PCDHGB1: variants seen among roughly 807,000 people sequenced by gnomAD.
The protein encoded by PCDHGB1 is protocadherin gamma-B1.
A neutral mutation model predicts 56.6 loss-of-function variants in PCDHGB1; 34 were observed. The observed-to-expected ratio is 0.60, with a 90% CI of 0.46 to 0.80. PCDHGB1 has a LOEUF of 0.80. PCDHGB1 is among the 30% of genes least tolerant of loss of function. The pLI is 0.00. For missense variants in PCDHGB1, 1,278 were observed against 1,204.6 expected, an observed-to-expected ratio of 1.06 and a Z score of -0.90; for synonymous variants, 561 against 505.9, an observed-to-expected ratio of 1.11 and a Z score of -1.46.
chr5:141,401,765 G>C (rs2094191872), intron 1 of PCDHGB1, among the ~76,000 whole-genome samples: 1 of 152,138 alleles, frequency 6.6e-6, no homozygotes. Context: ...CATGGTATAA[G>C]TCTTTTGCTT....
intron 1 of PCDHGB1, among the ~76,000 whole-genome samples, chr5:141,426,066 A>T (rs1488003387): frequency 6.6e-6 from 1 of 152,196 alleles, no homozygotes; most frequent in Admixed American, 6.5e-5. Context: ...CAAGAACTGG[A>T]GCCTGGGATC....
At chr5:141,419,904 C>G (rs2096446397) in intron 1 of PCDHGB1, 2 of 1,614,108 alleles carry the variant, frequency 1.2e-6, no homozygotes, top group Non-Finnish European at 1.7e-6. Flanking sequence ...CCCACACCCT[C>G]TGACTCCCAG....
At chr5:141,374,562 C>T in intron 1 of PCDHGB1, 2 of 1,613,702 alleles carry the variant, frequency 1.2e-6, no homozygotes, top group Non-Finnish European at 1.7e-6. Flanking sequence ...GTCTATGACC[C>T]TGATGTGGGA....
rs1163950013 is a variant in PCDHGB1 at position 141,512,955 on chromosome 5, A to G, written c.*1782A>G. 2 of 152,234 alleles carry G rather than the reference A, an allele frequency of 1.3e-5. No homozygotes were observed. The highest frequency in any genetic ancestry group is 2.9e-5 in the Non-Finnish European group (2 of 68,046). The allele number at this position is 152,234 out of a possible 1,614,324, so 9.4% of individuals were successfully genotyped here. ...GCTTTTTTTCTTCGACAAAAAAATA[A>G]TAAAACGTTTCTTCTGAAAAGCTGA... On this transcript the variant is annotated 3_prime_UTR_variant, in exon 4 of 4. Coordinates refer to ENST00000523390, the MANE Select transcript of PCDHGB1 (RefSeq NM_018922.3).
In PCDHGB1 at chr5:141,351,432, A is replaced by T; in HGVS notation, c.1172A>T (p.Glu391Val). The T allele has an allele frequency of 6.2e-7, 1 of 1,612,218 alleles. No homozygotes were observed. The highest frequency in any genetic ancestry group is 8.5e-7 in the Non-Finnish European group (1 of 1,178,946). The stretch of plus-strand genomic sequence containing the variant: ...CAGGAAGAAGTTCCTTTCAAATTAG[A>T]ATCCACCTCGAAGAATTATTACAAG... ...YTQEEVPFKL[E>V]STSKNYYKLV... is the part of the protein sequence containing the mutation. The change falls in exon 1 of 4, where the codon GAA becomes GTA. Residue 391 changes from glutamate (E) to valine (V), a missense_variant. Glu to Val is a moderately radical substitution (Grantham distance 121, BLOSUM62 -2). Transcript: ENST00000523390.
intron 1 of PCDHGB1, chr5:141,361,370 G>T: frequency 2.5e-6 from 4 of 1,613,942 alleles, no homozygotes; most frequent in Non-Finnish European, 3.4e-6. Flanking sequence ...GCTCTGGACC[G>T]GGAGGAGATC....
chr5:141,352,039 C>T lies in PCDHGB1; in HGVS notation c.1779C>T (p.Asp593=), dbSNP rs1320731784. 1 of 1,608,678 alleles carries T rather than the reference C, an allele frequency of 6.2e-7. No individual in the cohort carries two copies. Among genetic ancestry groups the T allele is most frequent in the South Asian group, 1.1e-5 (1 of 90,942 alleles). Residue 593 remains aspartate (D), a synonymous_variant, in exon 1 of 4, where the codon GAC becomes GAT. Coordinates refer to ENST00000523390, the MANE Select transcript of PCDHGB1 (RefSeq NM_018922.3). ...CCAAGGTGGTGGCGGTGGACGCAGA[C>T]TCAGGACACAACGCTTGGCTGTCCT... The part of the protein sequence containing the change: ...LVTKVVAVDA[D]SGHNAWLSYH...
At chr5:141,352,737 C>G (rs1759099142) in intron 1 of PCDHGB1, 68 bp downstream of exon 1, 1 of 1,490,416 alleles carries the variant, frequency 6.7e-7, no homozygotes. Flanking sequence ...AGCCTGTAAT[C>G]CCAGCACTTA....
Position 141,418,737 on chromosome 5 carries a change from C to T in PCDHGB1, c.2409+66068C>T, listed in dbSNP as rs768683069. 7.4e-6 allele frequency: 12 copies of T among 1,613,960 alleles called. No homozygotes were observed. The South Asian group carries it at 1.3e-4, about 18-fold the overall frequency. ...GCTGACAAAGCTCAGCACGTGTTCT[C>T]TCTGGATTACACTACAGGAAACATT... On this transcript the variant is annotated intron_variant, in intron 1 of 3. Coordinates refer to ENST00000523390, the MANE Select transcript of PCDHGB1 (RefSeq NM_018922.3).
In PCDHGB1 at chr5:141,487,938, G is replaced by A; in HGVS notation, c.2410-6869G>A. ...GAGGCTACAGTGCACAGGGTACAGT[G>A]CACCAGGCAGTCACTTGGACAAAGG... is the stretch of plus-strand genomic sequence containing the variant. On this transcript the variant is annotated intron_variant, in intron 1 of 3. Coordinates refer to ENST00000523390, the MANE Select transcript of PCDHGB1 (RefSeq NM_018922.3). This position sits in a 1 kb window ranked among gnomAD's most constrained non-coding sequence, Gnocchi z 5.0. 1.7e-6 allele frequency: 1 copy of A among 600,308 alleles called. No homozygotes were observed. The highest frequency in any genetic ancestry group is 2.9e-6 in the Non-Finnish European group (1 of 342,970). 37.2% of individuals were successfully genotyped at this position (600,308 alleles called of 1,614,324 possible).
At chr5:141,507,798 GCCCT>G (rs2099863561) in intron 3 of PCDHGB1, among the ~76,000 whole-genome samples, 1 of 152,188 alleles carries the variant, frequency 6.6e-6, no homozygotes, top group Admixed American at 6.5e-5. Context: ...CTAAGCCTGC[GCCCT>G]GGGGAACGGA....
At chr5:141,391,890 G>A (rs2092437971) in intron 1 of PCDHGB1, 1 of 152,182 alleles carries the variant, frequency 6.6e-6, no homozygotes, top group Non-Finnish European at 1.5e-5. Context: ...AAAGGGATGG[G>A]ATGGAGCTTT....
At chr5:141,399,311 A>C in intron 1 of PCDHGB1, 1 of 1,613,970 alleles carries the variant, frequency 6.2e-7, no homozygotes, top group Non-Finnish European at 8.5e-7. Context: ...TCTTCATCCA[A>C]AAATTCGTAT....
intron 1 of PCDHGB1, chr5:141,478,878 T>A: frequency 8.0e-7 from 1 of 1,250,194 alleles, no homozygotes; most frequent in Non-Finnish European, 1.1e-6. Flanking sequence ...GAGTTTAGCT[T>A]GGTATCATTT....
intron 1 of PCDHGB1, chr5:141,361,516 G>T (rs750174731): frequency 2.5e-6 from 4 of 1,613,942 alleles, no homozygotes; most frequent in Non-Finnish European, 3.4e-6. Context: ...CATGGTTCAC[G>T]TGGCAGAGAA....
intron 1 of PCDHGB1, chr5:141,416,673 C>A (rs1259750007): frequency 6.6e-6 from 1 of 151,958 alleles, no homozygotes; most frequent in Non-Finnish European, 1.5e-5. Flanking sequence ...ATATATGCAA[C>A]GAAGGGAAAT....
Position 141,354,128 on chromosome 5 carries a change from T to C in PCDHGB1, c.2409+1459T>C, listed in dbSNP as rs576789277. Among the ~76,000 whole-genome samples the C allele has an allele frequency of 6.2e-4, 95 of 152,250 alleles. 1 individual carries two copies. The highest frequency in any genetic ancestry group is 1.2e-3 in the Non-Finnish European group (85 of 68,032). ...TGAGAGCTAAAGTAAAGTTAGAAAT[T>C]GTAAAATAATACTGAATGTGTCATG... On this transcript the variant is annotated intron_variant, in intron 1 of 3. Coordinates refer to ENST00000523390, the MANE Select transcript of PCDHGB1 (RefSeq NM_018922.3).
intron 1 of PCDHGB1, chr5:141,421,895 G>T: frequency 2.5e-6 from 4 of 1,613,730 alleles, no homozygotes; most frequent in Non-Finnish European, 3.4e-6. Context: ...GATCCCATCC[G>T]AAAGGGCGCA....
At position 141,493,202 on chromosome 5, in the gene PCDHGB1, A is replaced by G. The variant is rs1246390819; in HGVS notation, c.2410-1605A>G. Among the ~76,000 whole-genome samples, 1 of 152,196 alleles carries G rather than the reference A, an allele frequency of 6.6e-6. No individual in the cohort carries two copies. ...ACTATATAACTCCTTTGAGAACCTC[A>G]TCTCATTTGCTCTTCCCACCATTGC... On this transcript the variant is annotated intron_variant, in intron 1 of 3. Transcript: ENST00000523390. The surrounding 1 kb of genome is among the most constrained non-coding windows in gnomAD (Gnocchi z 4.3).
Sources: gnomAD v4.1 joint callset for allele counts (sites outside exome capture counted in the v4.1 genomes callset) on GRCh38, gnomAD v4.1.1 for gene constraint, Gnocchi (gnomAD v3.1) non-coding constraint, MANE v1.5 for transcripts, NCBI Gene and HGNC (gene_info 2026-07-23, HGNC 2026-07-21) for gene names.